Variants in ARMH4 observed in about 807,000 individuals in gnomAD.
ARMH4 encodes the protein armadillo like helical domain containing 4.
In ARMH4, 49 loss-of-function variants were observed where a neutral mutation model predicts 61.9. The observed-to-expected ratio is 0.79, with a 90% CI of 0.63 to 1.00. The LOEUF is 1.00. ARMH4 is among the 50% of genes least tolerant of loss of function. The pLI is 0.00. For missense variants in ARMH4, 934 were observed against 930.0 expected, an observed-to-expected ratio of 1.00 and a Z score of -0.06; for synonymous variants, 368 against 341.5, an observed-to-expected ratio of 1.08 and a Z score of -0.85.
At position 58,004,090 on chromosome 14, in the gene ARMH4, T is replaced by C. The variant is rs1477403153; in HGVS notation, c.*646A>G. The C allele has an allele frequency of 6.6e-6, 1 of 152,220 alleles. No individual in the cohort carries two copies. The allele number at this position is 152,220 out of a possible 1,614,324, so 9.4% of individuals were successfully genotyped here. ...AGTCAGTTTAATGTATTATTTCTAGTGCATTTTTTTCCTCGCCAAGAATAA... is the reference window on the plus strand; with the variant it reads ...AGTCAGTTTAATGTATTATTTCTAGCGCATTTTTTTCCTCGCCAAGAATAA... On this transcript the variant is annotated 3_prime_UTR_variant, in exon 8 of 8. Transcript: ENST00000267485.
chr14:58,090,488 C>A (rs1352558088), intron 5 of ARMH4, among the ~76,000 whole-genome samples: 1 of 152,052 alleles, frequency 6.6e-6, no homozygotes, highest in Non-Finnish European at 1.5e-5. Flanking sequence ...TCCTTGCCAA[C>A]AATTGTTCAG....
chr14:58,130,107 G>A (rs1031260725), intron 4 of ARMH4, among the ~76,000 whole-genome samples: 4 of 152,144 alleles, frequency 2.6e-5, no homozygotes, highest in Non-Finnish European at 5.9e-5. Flanking sequence ...GGGTAAAGCT[G>A]TCATGTCTAA....
chr14:58,005,939 G>T (rs192291284), intron 6 of ARMH4, among the ~76,000 whole-genome samples: 5 of 152,264 alleles, frequency 3.3e-5, no homozygotes, highest in South Asian at 2.1e-4. Context: ...CCAAAGAAAG[G>T]AAGTGGCAGA....
intron 3 of ARMH4, among the ~76,000 whole-genome samples, chr14:58,132,580 CCTTT>C (rs1458342742): frequency 3.4e-5 from 3 of 87,550 alleles, no homozygotes; most frequent in East Asian, 5.9e-4. Context: ...AACCCTTGTC[CCTTT>C]TTTTTTTTTT....
At chr14:58,062,726 G>A (rs764353548) in intron 5 of ARMH4, among the ~76,000 whole-genome samples, 1 of 152,224 alleles carries the variant, frequency 6.6e-6, no homozygotes, top group South Asian at 2.1e-4. Context: ...TCTCAGAGAG[G>A]TTAAATAATT....
chr14:58,062,902 G>A (rs906742490), intron 5 of ARMH4, among the ~76,000 whole-genome samples: 18 of 152,334 alleles, frequency 1.2e-4, no homozygotes, highest in African/African-American at 4.3e-4. Context: ...ATGAAGGGGA[G>A]AAGAGAAGTA....
rs1339686817 is a variant in ARMH4, at chr14:58,002,462, G to A, written c.*2274C>T. On this transcript the variant is annotated 3_prime_UTR_variant, in exon 8 of 8. Coordinates refer to ENST00000267485, the MANE Select transcript of ARMH4 (RefSeq NM_001001872.4). ...TCATCCTCACGGACCTCTGAGAAAT[G>A]AAAATATGGGTCTGTTATTTGGGAA... 2 of 152,088 alleles carry A rather than the reference G, an allele frequency of 1.3e-5. No individual in the cohort carries two copies. Among genetic ancestry groups the A allele is most frequent in the Admixed American group, 6.6e-5 (1 of 15,262 alleles). 9.4% of individuals were successfully genotyped at this position (152,088 alleles called of 1,614,324 possible).
intron 5 of ARMH4, among the ~76,000 whole-genome samples, chr14:58,085,524 T>C (rs923735310): frequency 2.8e-4 from 43 of 152,300 alleles, no homozygotes; most frequent in Middle Eastern, 6.8e-3. Context: ...GAAGAGGTTA[T>C]TTTCTGGATT....
intron 4 of ARMH4, among the ~76,000 whole-genome samples, chr14:58,110,739 T>C (rs1410637289): frequency 2.0e-5 from 3 of 152,210 alleles, no homozygotes; most frequent in African/African-American, 7.2e-5. Flanking sequence ...TTTTTAATTT[T>C]TGAGATGGAG....
At chr14:58,023,941 G>A (rs1030543328) in intron 5 of ARMH4, among the ~76,000 whole-genome samples, 1 of 152,126 alleles carries the variant, frequency 6.6e-6, no homozygotes, top group Admixed American at 6.6e-5. Flanking sequence ...GTGGGCTTAA[G>A]ATATTCAGTA....
intron 4 of ARMH4, among the ~76,000 whole-genome samples, chr14:58,102,613 C>T (rs559257866): frequency 4.8e-5 from 7 of 145,026 alleles, no homozygotes; most frequent in Non-Finnish European, 1.5e-5. Flanking sequence ...AGATCGAGAC[C>T]ATCCTGGCTA....
At chr14:58,094,285 G>A (rs140499094) in intron 5 of ARMH4, among the ~76,000 whole-genome samples, 109 of 141,620 alleles carry the variant, frequency 7.7e-4, no homozygotes, top group African/African-American at 2.2e-3. Flanking sequence ...AGTCGAGATC[G>A]CCCCACTACA....
intron 5 of ARMH4, among the ~76,000 whole-genome samples, chr14:58,039,931 A>G (rs1005281358): frequency 1.3e-5 from 2 of 152,180 alleles, no homozygotes; most frequent in Non-Finnish European, 2.9e-5. Flanking sequence ...CACAGCACAG[A>G]GCATTTCCCT....
chr14:58,062,849 A>G (rs1369909867), intron 5 of ARMH4, among the ~76,000 whole-genome samples: 2 of 152,230 alleles, frequency 1.3e-5, no homozygotes, highest in South Asian at 4.1e-4. Context: ...AGCAAGGGCA[A>G]TTTTAGGAGA....
intron 5 of ARMH4, among the ~76,000 whole-genome samples, chr14:58,038,653 T>C (rs1883573473): frequency 6.6e-6 from 1 of 152,156 alleles, no homozygotes; most frequent in African/African-American, 2.4e-5. Context: ...TACTATCTGA[T>C]TAAATAAAAA....
chr14:58,026,202 A>T lies in ARMH4; in HGVS notation c.2090-14052T>A, dbSNP rs557700398. On this transcript the variant is annotated intron_variant, in intron 5 of 7. Transcript: ENST00000267485. ...TAGGGAAATATATGACACATAAATG[A>T]GGAAGAAAGTATCCCTCAATGTGTC... Among the ~76,000 whole-genome samples the T allele has an allele frequency of 2.4e-4, 37 of 152,280 alleles. 2 individuals are homozygous for T. In the South Asian group the frequency reaches 7.5e-3, roughly 31 times the overall value.
At chr14:58,049,081 CA>C (rs577111575) in intron 5 of ARMH4, among the ~76,000 whole-genome samples, 3 of 151,114 alleles carry the variant, frequency 2.0e-5, no homozygotes, top group Non-Finnish European at 3.0e-5. Context: ...ATTAAAAACA[CA>C]AAAAAAATTA....
chr14:58,058,482 A>G (rs1292776338), intron 5 of ARMH4, among the ~76,000 whole-genome samples: 3 of 152,086 alleles, frequency 2.0e-5, no homozygotes, highest in African/African-American at 7.2e-5. Context: ...AATAAGGGGT[A>G]GATTATTCAT....
At chr14:58,010,837 CTT>C (rs34077424) in intron 6 of ARMH4, among the ~76,000 whole-genome samples, 11,286 of 148,594 alleles carry the variant, frequency 0.076, 506 homozygotes, top group African/African-American at 0.12. Context: ...TTTCTTAAGC[CTT>C]TTTTTTTTTG....
Sources: allele counts gnomAD v4.1 joint callset (sites outside exome capture counted in the v4.1 genomes callset), GRCh38; gene constraint gnomAD v4.1.1; transcripts MANE v1.5; gene names NCBI Gene and HGNC (gene_info 2026-07-23, HGNC 2026-07-21).